The following ERC1 variants were observed in gnomAD, a reference collection of about 807,000 sequenced individuals.
The protein encoded by ERC1 is ELKS/RAB6-interacting/CAST family member 1.
ERC1 carries 56 observed loss-of-function variants against 132.0 expected under a neutral mutation model. The observed-to-expected ratio is 0.42, with a 90% CI of 0.34 to 0.53. The LOEUF (loss-of-function observed/expected upper bound fraction) is 0.53, where lower values mean the gene tolerates loss of function less well. ERC1 is among the 20% of genes least tolerant of loss of function. The pLI, the probability that ERC1 is intolerant of heterozygous loss-of-function variation, is 0.03. For missense variants in ERC1, 1,202 were observed against 1,349.9 expected (o/e 0.89, Z 1.72); for synonymous variants, 478 against 476.1 (o/e 1.00, Z -0.05).
intron 9 of ERC1, among the ~76,000 whole-genome samples, chr12:1,181,395 T>C (rs972429304): frequency 7.9e-5 from 12 of 152,186 alleles, no homozygotes; most frequent in African/African-American, 2.9e-4. Flanking sequence ...AAGAATACTT[T>C]AGTGATATCA....
chr12:1,028,669 T>C (rs1967342010), intron 2 of ERC1, 97 bp downstream of exon 2: 1 of 974,108 alleles, frequency 1.0e-6, no homozygotes, highest in African/African-American at 1.7e-5. Flanking sequence ...CTTCGTAGTA[T>C]ATGTATCTTC....
chr12:1,360,302 G>A (rs1436707046), intron 15 of ERC1, among the ~76,000 whole-genome samples: 2 of 152,156 alleles, frequency 1.3e-5, no homozygotes, highest in Non-Finnish European at 2.9e-5. Context: ...AATGAAGCTT[G>A]GCTATGAAGT....
chr12:1,458,724 G>C (rs1402235172), intron 18 of ERC1, among the ~76,000 whole-genome samples: 1 of 152,144 alleles, frequency 6.6e-6, no homozygotes, highest in East Asian at 1.9e-4. Flanking sequence ...TTTTAGTAGA[G>C]ACAGGGTTCC....
At chr12:1,101,120 A>G (rs981598656) in intron 3 of ERC1, among the ~76,000 whole-genome samples, 11 of 152,182 alleles carry the variant, frequency 7.2e-5, no homozygotes, top group African/African-American at 1.7e-4. Flanking sequence ...GATGAATTGC[A>G]TAGATGATTA....
chr12:1,177,130 C>T (rs975218495), intron 8 of ERC1, among the ~76,000 whole-genome samples: 5 of 152,188 alleles, frequency 3.3e-5, no homozygotes, highest in Non-Finnish European at 7.3e-5. Context: ...AGAGTTAGGG[C>T]CTTGTTCTGG....
At chr12:1,290,268 A>T (rs2079348200) in intron 15 of ERC1, among the ~76,000 whole-genome samples, 1 of 152,188 alleles carries the variant, frequency 6.6e-6, no homozygotes. Context: ...CCTCTCTGAA[A>T]TTCCTAAAAT....
At chr12:1,347,790 C>G (rs893040246) in intron 15 of ERC1, among the ~76,000 whole-genome samples, 11 of 152,154 alleles carry the variant, frequency 7.2e-5, no homozygotes, top group African/African-American at 2.7e-4. Flanking sequence ...TAAGACCAGC[C>G]TGGCCAACAT....
chr12:1,052,428 T>C (rs1972179257), intron 2 of ERC1, among the ~76,000 whole-genome samples: 1 of 152,230 alleles, frequency 6.6e-6, no homozygotes, highest in Non-Finnish European at 1.5e-5. Context: ...ATATTGCCTT[T>C]TTGGTGATAA....
chr12:1,486,623 C>T (rs1455978033), intron 18 of ERC1, among the ~76,000 whole-genome samples: 3 of 151,950 alleles, frequency 2.0e-5, no homozygotes, highest in Non-Finnish European at 4.4e-5. Flanking sequence ...CGGGGTTTTG[C>T]CGTGTTGGCC....
chr12:1,392,270 T>G (rs1314402049), intron 16 of ERC1, among the ~76,000 whole-genome samples: 1 of 152,150 alleles, frequency 6.6e-6, no homozygotes, highest in African/African-American at 2.4e-5. Context: ...GATGACATAT[T>G]GATAGTGGGA....
intron 18 of ERC1, among the ~76,000 whole-genome samples, chr12:1,454,268 A>G (rs938410872): frequency 6.6e-6 from 1 of 152,226 alleles, no homozygotes; most frequent in Non-Finnish European, 1.5e-5. Flanking sequence ...TGCCCTGTGC[A>G]TCTCTTCATC....
chr12:1,118,015 T>G (rs373409546), intron 7 of ERC1, among the ~76,000 whole-genome samples: 1 of 152,166 alleles, frequency 6.6e-6, no homozygotes, highest in East Asian at 1.9e-4. Context: ...GAAAATAAAT[T>G]ATGGAGAATG....
chr12:1,430,364 GC>G (rs2092757569), intron 17 of ERC1: 1 of 152,034 alleles, frequency 6.6e-6, no homozygotes, highest in Admixed American at 6.6e-5. Flanking sequence ...AAGGAGGAAT[GC>G]TAAATAATTT....
chr12:1,183,471 A>G (rs770557256), intron 11 of ERC1, 50 bp downstream of exon 11: 3 of 1,347,718 alleles, frequency 2.2e-6, no homozygotes, highest in Non-Finnish European at 3.1e-6. Context: ...ATAAGAACAT[A>G]GTAGATAACC....
intron 8 of ERC1, among the ~76,000 whole-genome samples, chr12:1,160,231 T>C (rs984249077): frequency 6.6e-6 from 1 of 152,188 alleles, no homozygotes; most frequent in African/African-American, 2.4e-5. Flanking sequence ...GTATAGACAA[T>C]AAAATGTTGA....
chr12:1,196,351 T>C (rs765080356), intron 12 of ERC1, among the ~76,000 whole-genome samples: 10 of 152,176 alleles, frequency 6.6e-5, no homozygotes, highest in Non-Finnish European at 1.0e-4. Flanking sequence ...GCAGCTACTT[T>C]AAAGGGGGAT....
At chr12:1,469,102 T>G (rs902770838) in intron 18 of ERC1, among the ~76,000 whole-genome samples, 3 of 152,216 alleles carry the variant, frequency 2.0e-5, no homozygotes, top group African/African-American at 7.2e-5. Context: ...AACCAAGCAC[T>G]ATGGATTTCT....
chr12:1,350,642 A>G (rs989324563), intron 15 of ERC1, among the ~76,000 whole-genome samples: 1 of 152,218 alleles, frequency 6.6e-6, no homozygotes, highest in Non-Finnish European at 1.5e-5. Context: ...TTCCTGTTTT[A>G]TAGGGACTTA....
At chr12:1,276,150 G>A (rs1277759307) in intron 14 of ERC1, among the ~76,000 whole-genome samples, 1 of 151,826 alleles carries the variant, frequency 6.6e-6, no homozygotes, top group African/African-American at 2.4e-5. Flanking sequence ...CCCTTGTCTG[G>A]AAAAATCCTA....
Sources: allele counts gnomAD v4.1 joint callset (sites outside exome capture counted in the v4.1 genomes callset), GRCh38; gene constraint gnomAD v4.1.1; transcripts MANE v1.5; gene names NCBI Gene and HGNC (gene_info 2026-07-23, HGNC 2026-07-21).